The following STRN variants were observed in gnomAD, a reference collection of about 807,000 sequenced individuals.
STRN encodes the protein striatin.
Under a neutral mutation model 96.3 loss-of-function variants are expected in STRN, and 53 were observed. The ratio of observed to expected loss-of-function variants is 0.55; its 90% CI spans 0.44 to 0.69. The LOEUF is 0.69. STRN is among the 30% of genes least tolerant of loss of function. STRN has a pLI of 0.00. For synonymous variants in STRN, 428 were observed against 355.9 expected (o/e 1.20, Z -2.28); for missense variants, 987 against 963.9 (o/e 1.02, Z -0.32).
At chr2:36,879,959 T>C (rs1164004423) in intron 9 of STRN, among the ~76,000 whole-genome samples, 1 of 150,840 alleles carries the variant, frequency 6.6e-6, no homozygotes, top group Non-Finnish European at 1.5e-5. Flanking sequence ...GCAAGACCCC[T>C]ATATCTTAAA....
chr2:36,844,935 C>T lies in STRN; in HGVS notation c.*4521G>A, dbSNP rs1177876587. The T allele has an allele frequency of 6.6e-6, 1 of 152,084 alleles. No individual in the cohort carries two copies. The highest frequency in any genetic ancestry group is 1.5e-5 in the Non-Finnish European group (1 of 68,004). 9.4% of individuals were successfully genotyped at this position (152,084 alleles called of 1,614,324 possible). ...ATTTCACAAAAATATACATATTTTT[C>T]GTCAGCTACTACTTTGTATACAACC... On this transcript the variant is annotated 3_prime_UTR_variant, in exon 18 of 18. Transcript: ENST00000263918.
chr2:36,956,164 C>A (rs1664882718), intron 1 of STRN, among the ~76,000 whole-genome samples: 1 of 152,186 alleles, frequency 6.6e-6, no homozygotes, highest in Admixed American at 6.5e-5. Context: ...ATCACTGAAA[C>A]TGGTTCTTGG....
At chr2:36,887,028 A>C (rs981930978) in intron 7 of STRN, among the ~76,000 whole-genome samples, 1 of 149,602 alleles carries the variant, frequency 6.7e-6, no homozygotes, top group African/African-American at 2.5e-5. Flanking sequence ...TCCTAGAATC[A>C]GTTTCTCCTG....
chr2:36,855,192 T>C lies in STRN; in HGVS notation c.1978+20A>G. 1.9e-6 allele frequency: 3 copies of C among 1,607,244 alleles called. No homozygotes were observed. The highest frequency in any genetic ancestry group is 8.5e-7 in the Non-Finnish European group (1 of 1,177,062). ...AAGTTAAAAAAATAAACACAGACAATTTAAAATTGGTATGCATACTTGTAT... is the reference window on the plus strand; with the variant it reads ...AAGTTAAAAAAATAAACACAGACAACTTAAAATTGGTATGCATACTTGTAT... On this transcript the variant is annotated intron_variant, in intron 15 of 17. Coordinates refer to ENST00000263918, the MANE Select transcript of STRN (RefSeq NM_003162.4).
chr2:36,943,559 C>T (rs933759233), intron 1 of STRN, among the ~76,000 whole-genome samples: 9 of 152,170 alleles, frequency 5.9e-5, no homozygotes, highest in African/African-American at 1.4e-4. Context: ...AATCCCAGCA[C>T]TTCGGGAGGC....
At chr2:36,957,014 G>A (rs1664905251) in intron 1 of STRN, among the ~76,000 whole-genome samples, 1 of 152,126 alleles carries the variant, frequency 6.6e-6, no homozygotes, top group Non-Finnish European at 1.5e-5. Flanking sequence ...AGGGAAAATG[G>A]GAACCCAGTG....
intron 1 of STRN, among the ~76,000 whole-genome samples, chr2:36,927,518 A>G (rs1395554544): frequency 1.1e-5 from 1 of 87,052 alleles, no homozygotes; most frequent in Non-Finnish European, 2.2e-5. Context: ...CAAAAAAACA[A>G]AAAAAAGGGG....
At chr2:36,953,603 C>A (rs546632774) in intron 1 of STRN, among the ~76,000 whole-genome samples, 8 of 152,036 alleles carry the variant, frequency 5.3e-5, no homozygotes, top group Non-Finnish European at 1.0e-4. Flanking sequence ...AGGGTTTCAC[C>A]ATGTTAGCCA....
At chr2:36,866,129 C>T (rs749196681) in intron 12 of STRN, among the ~76,000 whole-genome samples, 1 of 152,024 alleles carries the variant, frequency 6.6e-6, no homozygotes, top group Non-Finnish European at 1.5e-5. Context: ...GGCTGGTGTG[C>T]AGTGGCATGA....
chr2:36,947,951 C>T (rs1356852453), intron 1 of STRN, among the ~76,000 whole-genome samples: 4 of 151,672 alleles, frequency 2.6e-5, no homozygotes, highest in Non-Finnish European at 4.4e-5. Flanking sequence ...TAACATCTTC[C>T]AAGGCAGTAC....
At chr2:36,872,814 C>T (rs1289441473) in intron 10 of STRN, among the ~76,000 whole-genome samples, 7 of 151,996 alleles carry the variant, frequency 4.6e-5, no homozygotes, top group African/African-American at 1.7e-4. Context: ...AAATTTGGAC[C>T]ACCTCTGCAC....
At chr2:36,893,841 A>G (rs1259894020) in intron 7 of STRN, 57 bp downstream of exon 7, 1 of 1,536,404 alleles carries the variant, frequency 6.5e-7, no homozygotes, top group Non-Finnish European at 8.7e-7. Context: ...TCCTGGTAAA[A>G]TATTAATTTC....
intron 1 of STRN, among the ~76,000 whole-genome samples, chr2:36,944,822 T>C (rs1260099151): frequency 6.6e-6 from 1 of 152,156 alleles, no homozygotes; most frequent in Non-Finnish European, 1.5e-5. Context: ...TTAAATTCAG[T>C]CGTAATCAGA....
intron 2 of STRN, among the ~76,000 whole-genome samples, chr2:36,918,121 T>C (rs1186834095): frequency 1.3e-5 from 2 of 152,154 alleles, no homozygotes; most frequent in Non-Finnish European, 2.9e-5. Flanking sequence ...CCAAATTATT[T>C]AGAACATCTA....
At chr2:36,891,892 A>G (rs1483740620) in intron 7 of STRN, among the ~76,000 whole-genome samples, 2 of 152,246 alleles carry the variant, frequency 1.3e-5, no homozygotes, top group African/African-American at 2.4e-5. Flanking sequence ...AATGAATGAG[A>G]GAAGGAAAAG....
chr2:36,933,922 C>G (rs1670637615), intron 1 of STRN, among the ~76,000 whole-genome samples: 1 of 152,034 alleles, frequency 6.6e-6, no homozygotes, highest in South Asian at 2.1e-4. Flanking sequence ...CCAGCCTGGC[C>G]AACACGGCGA....
At chr2:36,880,751 T>G (rs1183648714) in intron 9 of STRN, among the ~76,000 whole-genome samples, 5 of 152,216 alleles carry the variant, frequency 3.3e-5, no homozygotes, top group Non-Finnish European at 5.9e-5. Context: ...TTTGTTTGAT[T>G]TGTTCCCATT....
intron 1 of STRN, among the ~76,000 whole-genome samples, chr2:36,927,745 T>C (rs1173039229): frequency 2.0e-5 from 3 of 152,202 alleles, no homozygotes; most frequent in Non-Finnish European, 4.4e-5. Flanking sequence ...TTTAATAATA[T>C]GGTAAAAAAC....
rs908305581 is a variant in STRN, at chr2:36,841,531, T to C, written c.*7925A>G. On this transcript the variant is annotated 3_prime_UTR_variant, in exon 18 of 18. Coordinates refer to ENST00000263918, the MANE Select transcript of STRN (RefSeq NM_003162.4). ...GAAATACGTGGGCTATCGAAAAAGA[T>C]GTAAGTACATTTTAAAAATGTTTTT... 1 of 152,190 alleles carries C rather than the reference T, an allele frequency of 6.6e-6. No homozygotes were observed. Among genetic ancestry groups the C allele is most frequent in the Non-Finnish European group, 1.5e-5 (1 of 68,034 alleles). 9.4% of individuals were successfully genotyped at this position (152,190 alleles called of 1,614,324 possible). A position where few individuals can be genotyped will look rare whatever the true frequency, so the allele number is the denominator to read the frequency against.
Sources: gnomAD v4.1 joint callset for allele counts (sites outside exome capture counted in the v4.1 genomes callset) on GRCh38, gnomAD v4.1.1 for gene constraint, MANE v1.5 for transcripts, NCBI Gene and HGNC (gene_info 2026-07-23, HGNC 2026-07-21) for gene names.